ANKRD18B: variants seen among roughly 807,000 people sequenced by gnomAD.
ANKRD18B encodes ankyrin repeat domain 18B, also known as ankyrin repeat domain-containing protein 18B.
A neutral mutation model predicts 111.8 loss-of-function variants in ANKRD18B; 75 were observed. The observed-to-expected ratio is 0.67, with a 90% CI of 0.56 to 0.81. The LOEUF is 0.81. Among genes scored for constraint, ANKRD18B ranks in the 40% least tolerant of loss-of-function variants. ANKRD18B has a pLI of 0.00. For missense variants in ANKRD18B, 1,038 were observed against 1,225.5 expected (o/e 0.85, Z 2.28); for synonymous variants, 356 against 417.3 (o/e 0.85, Z 1.79).
intron 14 of ANKRD18B, among the ~76,000 whole-genome samples, chr9:33,559,542 T>C (rs977933084): frequency 6.6e-5 from 10 of 152,106 alleles, no homozygotes; most frequent in Admixed American, 5.9e-4. Context: ...TAGATAGAAA[T>C]TGGGGCAAAA....
intron 14 of ANKRD18B, among the ~76,000 whole-genome samples, chr9:33,565,157 C>T (rs1462561731): frequency 1.3e-5 from 2 of 152,180 alleles, no homozygotes; most frequent in Non-Finnish European, 2.9e-5. Flanking sequence ...TTGGGCCTTA[C>T]ATTTCAATCT....
At chr9:33,560,188 C>T (rs1295607232) in intron 14 of ANKRD18B, among the ~76,000 whole-genome samples, 1 of 152,124 alleles carries the variant, frequency 6.6e-6, no homozygotes, top group East Asian at 1.9e-4. Flanking sequence ...GCCATGTGGA[C>T]CCATTGAAGG....
chr9:33,527,099 C>T (rs1381082436), intron 1 of ANKRD18B, among the ~76,000 whole-genome samples: 1 of 152,126 alleles, frequency 6.6e-6, no homozygotes, highest in Admixed American at 6.5e-5. Flanking sequence ...GAAGCTTTTT[C>T]TCCCACCTTT....
intron 14 of ANKRD18B, among the ~76,000 whole-genome samples, chr9:33,563,368 C>A (rs1429987166): frequency 1.3e-5 from 2 of 152,222 alleles, no homozygotes; most frequent in East Asian, 1.9e-4. Context: ...GAAATTGAAT[C>A]ATCTGAAGCT....
At chr9:33,559,266 C>T (rs1303657519) in intron 14 of ANKRD18B, among the ~76,000 whole-genome samples, 1 of 152,102 alleles carries the variant, frequency 6.6e-6, no homozygotes, top group African/African-American at 2.4e-5. Context: ...AGAGATTGGG[C>T]TACATTAATG....
In ANKRD18B at chr9:33,548,753, A is replaced by G; in HGVS notation, c.1965A>G (p.Gly655=). 1.3e-6 allele frequency: 2 copies of G among 1,550,564 alleles called. No homozygotes were observed. The highest frequency in any genetic ancestry group is 1.2e-5 in the South Asian group (1 of 83,740). ...TCCACAGAGACTGTCTTGAGAATGG[A>G]AAGGAAGATCTTCTAGAAGAAAGAA... ...INIHRDCLEN[G]KEDLLEERNK... Residue 655 remains glycine (G), a synonymous_variant, in exon 11 of 19, where the codon GGA becomes GGG. Coordinates refer to ENST00000684830, the MANE Select transcript of ANKRD18B (RefSeq NM_001393611.1).
In ANKRD18B at chr9:33,572,317, T is replaced by G; in HGVS notation, c.3225T>G (p.Thr1075=). ...ATAATCCTTTCTTTTTCTTTCCAGC[T>G]TTTGCTGCGTTGGGCCCTTGCTCCT... ...AEQIITETKK[T]FAALGPCSYL... is the part of the protein sequence containing the mutation. The change falls in exon 19 of 19, where the codon ACT becomes ACG. Residue 1075 remains threonine, a splice_region_variant and synonymous_variant. Coordinates refer to ENST00000684830, the MANE Select transcript of ANKRD18B (RefSeq NM_001393611.1). 1 of 1,609,148 alleles carries G rather than the reference T, an allele frequency of 6.2e-7. No individual in the cohort carries two copies. The highest frequency in any genetic ancestry group is 8.5e-7 in the Non-Finnish European group (1 of 1,176,860).
Position 33,540,576 on chromosome 9 carries a change from T to C in ANKRD18B, c.997+364T>C, listed in dbSNP as rs971688683. Among the ~76,000 whole-genome samples the C allele has an allele frequency of 5.3e-5, 8 of 152,172 alleles. No homozygotes were observed. In the South Asian group the frequency reaches 6.2e-4, roughly 12 times the overall value. On this transcript the variant is annotated intron_variant, in intron 8 of 18. Coordinates refer to ENST00000684830, the MANE Select transcript of ANKRD18B (RefSeq NM_001393611.1). ...CAGCAGTGTTTGCTCTAGAAATTCA[T>C]TGGAAAATTGTAAGCAGGGGAGGCA...
At position 33,541,556 on chromosome 9, in the gene ANKRD18B, G is replaced by A. The variant is rs139187232; in HGVS notation, c.1078+329G>A. The stretch of plus-strand genomic sequence containing the variant: ...GACTATTTTGCAAAAACTGTAACTT[G>A]GTGTGGTGTTCTGCACCTGTAATTC... On this transcript the variant is annotated intron_variant, in intron 9 of 18. Coordinates refer to ENST00000684830, the MANE Select transcript of ANKRD18B (RefSeq NM_001393611.1). Among the ~76,000 whole-genome samples, 927 of 152,190 alleles carry A rather than the reference G, an allele frequency of 6.1e-3. 3 individuals carry two copies. The highest frequency in any genetic ancestry group is 0.01 in the Non-Finnish European group (713 of 68,016).
intron 16 of ANKRD18B, 88 bp downstream of exon 16, chr9:33,567,402 A>T (rs1436713514): frequency 2.9e-5 from 34 of 1,156,228 alleles, no homozygotes; most frequent in Non-Finnish European, 3.9e-5. Flanking sequence ...GCTTCAGGAG[A>T]TCAGTAGGAA....
Position 33,548,822 on chromosome 9 carries a change from G to A in ANKRD18B, c.2034G>A (p.Leu678=), listed in dbSNP as rs1326390348. ...MNEYNYLKEK[L]LQYEKEKAER... is the part of the protein sequence containing the mutation. ...AATATAATTATTTAAAAGAAAAACTGCTTCAGTATGAAAAAGAAAAAGCAG... is the reference window on the plus strand; with the variant it reads ...AATATAATTATTTAAAAGAAAAACTACTTCAGTATGAAAAAGAAAAAGCAG... The change falls in exon 11 of 19, where the codon CTG becomes CTA. Residue 678 remains leucine (L), a synonymous_variant. Transcript: ENST00000684830. The A allele has an allele frequency of 1.3e-6, 2 of 1,500,658 alleles. No homozygotes were observed. The highest frequency in any genetic ancestry group is 2.8e-5 in the African/African-American group (2 of 70,466). The allele number at this position is 1,500,658 out of a possible 1,614,324, so 93.0% of individuals were successfully genotyped here.
At chr9:33,541,584 G>A (rs771772057) in intron 9 of ANKRD18B, among the ~76,000 whole-genome samples, 7 of 152,068 alleles carry the variant, frequency 4.6e-5, no homozygotes, top group Non-Finnish European at 8.8e-5. Context: ...TGTAATTCCA[G>A]CTACCTGGGA....
intron 17 of ANKRD18B, chr9:33,569,130 A>G (rs374783093): frequency 4.9e-4 from 180 of 364,524 alleles, no homozygotes; most frequent in African/African-American, 3.4e-3. Context: ...AAACTGACAC[A>G]TTTAAAATTT....
intron 3 of ANKRD18B, among the ~76,000 whole-genome samples, chr9:33,530,261 G>A (rs1366004592): frequency 2.0e-5 from 3 of 152,148 alleles, no homozygotes; most frequent in African/African-American, 4.8e-5. Context: ...GCTTTCCCCT[G>A]AGGATTTTGA....
chr9:33,544,695 G>A (rs191886855), intron 10 of ANKRD18B, among the ~76,000 whole-genome samples: 37 of 152,184 alleles, frequency 2.4e-4, no homozygotes, highest in African/African-American at 8.7e-4. Flanking sequence ...AAATTAGCTG[G>A]GTGTGGTGGT....
At chr9:33,563,405 A>T (rs551322395) in intron 14 of ANKRD18B, among the ~76,000 whole-genome samples, 1 of 152,294 alleles carries the variant, frequency 6.6e-6, no homozygotes, top group African/African-American at 2.4e-5. Context: ...TTGATGGTTG[A>T]TGCTGGCCAT....
intron 17 of ANKRD18B, among the ~76,000 whole-genome samples, chr9:33,569,923 G>A (rs1312309925): frequency 1.3e-5 from 2 of 152,024 alleles, no homozygotes; most frequent in African/African-American, 4.8e-5. Context: ...AATCCCACAT[G>A]CAGCAACCCC....
intron 14 of ANKRD18B, among the ~76,000 whole-genome samples, chr9:33,560,785 C>T (rs1828594879): frequency 6.6e-6 from 1 of 151,948 alleles, no homozygotes; most frequent in African/African-American, 2.4e-5. Flanking sequence ...ATGGTGAAAC[C>T]CTGTCTCTAC....
intron 18 of ANKRD18B, 141 bp from the exon 19 acceptor site, chr9:33,572,175 G>A (rs1417680002): frequency 7.6e-6 from 5 of 659,530 alleles, no homozygotes; most frequent in Non-Finnish European, 1.3e-5. Context: ...TGATTTAATA[G>A]TAATCTTGTA....
Sources: allele counts gnomAD v4.1 joint callset (sites outside exome capture counted in the v4.1 genomes callset), GRCh38; gene constraint gnomAD v4.1.1; transcripts MANE v1.5; gene names NCBI Gene and HGNC (gene_info 2026-07-23, HGNC 2026-07-21).